The following APBB2 variants were observed in gnomAD, a reference collection of about 807,000 sequenced individuals.
APBB2 encodes amyloid beta precursor protein binding family B member 2, also known as Fe65-like 1.
In APBB2, 38 loss-of-function variants were observed where a neutral mutation model predicts 82.5. That is an observed-to-expected ratio of 0.46 (90% CI 0.36 to 0.60). APBB2 has a LOEUF of 0.60. Ranked by LOEUF, APBB2 falls within the 20% of genes least tolerant of loss-of-function variation. The pLI, the probability that APBB2 is intolerant of heterozygous loss-of-function variation, is 0.00. For synonymous variants in APBB2, 341 were observed against 368.2 expected (o/e 0.93, Z 0.85); for missense variants, 772 against 972.3 (o/e 0.79, Z 2.74).
At chr4:40,961,668 A>T (rs1462574725) in intron 6 of APBB2, among the ~76,000 whole-genome samples, 3 of 1,356 alleles carry the variant, frequency 2.2e-3, no homozygotes, top group Non-Finnish European at 4.9e-3. Flanking sequence ...AAAAAGATGT[A>T]AAAAAAAAAA....
chr4:41,165,775 G>A (rs1357526645), intron 1 of APBB2, among the ~76,000 whole-genome samples: 3 of 151,874 alleles, frequency 2.0e-5, no homozygotes, highest in African/African-American at 7.3e-5. Flanking sequence ...TCACCAGCTT[G>A]ATCGCCCAGT....
At chr4:40,837,198 G>A (rs1381624558) in intron 12 of APBB2, among the ~76,000 whole-genome samples, 1 of 151,922 alleles carries the variant, frequency 6.6e-6, no homozygotes, top group African/African-American at 2.4e-5. Context: ...AGAGTGTGTC[G>A]GGTGCCACAT....
At chr4:41,057,385 A>G (rs1056197860) in intron 4 of APBB2, among the ~76,000 whole-genome samples, 1 of 152,234 alleles carries the variant, frequency 6.6e-6, no homozygotes, top group Admixed American at 6.5e-5. Flanking sequence ...CGGGAGGCAG[A>G]GGTTACAGTG....
intron 6 of APBB2, among the ~76,000 whole-genome samples, chr4:41,009,489 T>C (rs1420132319): frequency 6.6e-6 from 1 of 152,162 alleles, no homozygotes; most frequent in Non-Finnish European, 1.5e-5. Context: ...GGCGATTCAG[T>C]AGTAAAGGAA....
At chr4:41,034,328 G>T (rs1718282325) in intron 4 of APBB2, among the ~76,000 whole-genome samples, 2 of 151,954 alleles carry the variant, frequency 1.3e-5, no homozygotes, top group Admixed American at 6.6e-5. Flanking sequence ...GGGGTTGTTG[G>T]TTTTTTGTTT....
intron 6 of APBB2, among the ~76,000 whole-genome samples, chr4:40,994,721 G>A (rs1330162934): frequency 2.6e-5 from 4 of 151,670 alleles, no homozygotes; most frequent in African/African-American, 7.3e-5. Flanking sequence ...AGCTGAGGGA[G>A]GAGAATCGCT....
intron 2 of APBB2, among the ~76,000 whole-genome samples, chr4:41,133,844 C>G (rs975419444): frequency 6.6e-6 from 1 of 152,156 alleles, no homozygotes. Context: ...CTTCTTCCTT[C>G]CTTCTCTAAG....
At position 40,811,042 on chromosome 4, in the gene APBB2, A is replaced by AATT. The variant is rs1744297659; in HGVS notation, c.*5047_*5049dup. 1.3e-5 allele frequency: 2 copies of AATT among 152,198 alleles called. No individual in the cohort carries two copies. Among genetic ancestry groups the AATT allele is most frequent in the East Asian group, 3.8e-4 (2 of 5,204 alleles). 9.4% of individuals were successfully genotyped at this position (152,198 alleles called of 1,614,324 possible). ...TCATTGTTATGGAATAGTTTAGGAT[A>AATT]ATTTTCTGATCTCTACAGTAGCATG... On this transcript the variant is annotated 3_prime_UTR_variant, in exon 18 of 18. Transcript: ENST00000508593.
intron 1 of APBB2, among the ~76,000 whole-genome samples, chr4:41,143,849 C>T (rs373690648): frequency 1.1e-4 from 16 of 152,158 alleles, no homozygotes; most frequent in East Asian, 7.7e-4. Context: ...TATTATCAAA[C>T]GTATAACATA....
chr4:40,987,698 A>G (rs1800762932), intron 6 of APBB2, among the ~76,000 whole-genome samples: 1 of 152,170 alleles, frequency 6.6e-6, no homozygotes, highest in South Asian at 2.1e-4. Flanking sequence ...AAGGCAGAAG[A>G]GCTTCGGTAA....
intron 1 of APBB2, among the ~76,000 whole-genome samples, chr4:41,161,890 G>A (rs544001092): frequency 4.0e-5 from 6 of 151,660 alleles, no homozygotes; most frequent in Non-Finnish European, 8.8e-5. Context: ...ACATACAAAC[G>A]TAGAAAGAAT....
chr4:40,862,981 C>T (rs955617584), intron 12 of APBB2, among the ~76,000 whole-genome samples: 7 of 151,924 alleles, frequency 4.6e-5, no homozygotes, highest in African/African-American at 1.7e-4. Context: ...GGCAGGTGTT[C>T]AGGGGGCTGT....
In APBB2 at chr4:40,814,619, G is replaced by A. The variant is rs1184865147; in HGVS notation, c.*1473C>T. 1 of 152,222 alleles carries A rather than the reference G, an allele frequency of 6.6e-6. No homozygotes were observed. The highest frequency in any genetic ancestry group is 1.5e-5 in the Non-Finnish European group (1 of 68,050). 9.4% of individuals were successfully genotyped at this position (152,222 alleles called of 1,614,324 possible). ...GTACATAGCAGTGTATAAACATAAA[G>A]CATTACTTTTATAATTGGATGTTGT... On this transcript the variant is annotated 3_prime_UTR_variant, in exon 18 of 18. Transcript: ENST00000508593.
At chr4:40,906,152 A>G (rs902121894) in intron 10 of APBB2, among the ~76,000 whole-genome samples, 1 of 152,172 alleles carries the variant, frequency 6.6e-6, no homozygotes, top group Non-Finnish European at 1.5e-5. Context: ...CTAAGTATTC[A>G]TTGTTAACTT....
At chr4:40,842,964 AAG>A (rs1230764660) in intron 12 of APBB2, among the ~76,000 whole-genome samples, 1 of 152,114 alleles carries the variant, frequency 6.6e-6, no homozygotes, top group African/African-American at 2.4e-5. Context: ...CGTCCCAGGA[AAG>A]AGAGGAATGG....
chr4:40,881,558 G>C (rs1465272029), intron 12 of APBB2: 2 of 96,508 alleles, frequency 2.1e-5, no homozygotes, highest in African/African-American at 6.5e-5. Flanking sequence ...TTTTGATACA[G>C]ACTCTCGCTC....
At chr4:41,008,665 T>G (rs1359183921) in intron 6 of APBB2, among the ~76,000 whole-genome samples, 1 of 152,250 alleles carries the variant, frequency 6.6e-6, no homozygotes, top group Non-Finnish European at 1.5e-5. Flanking sequence ...TTCATTGAGC[T>G]CTTGCTATAT....
chr4:40,845,402 A>AT (rs1162615221), intron 12 of APBB2, among the ~76,000 whole-genome samples: 1 of 152,062 alleles, frequency 6.6e-6, no homozygotes, highest in Non-Finnish European at 1.5e-5. Context: ...AGTGGGAAGA[A>AT]TTAAACCCCA....
In APBB2 at chr4:40,823,561, A is replaced by G. The variant is rs188233061; in HGVS notation, c.1932+83T>C. On this transcript the variant is annotated intron_variant, in intron 16 of 17. Transcript: ENST00000508593. Reference sequence around the variant, plus strand: ...AGGATGCACAACTCCGGCCTTGACTATGTTCCTAAGTTCCACAGAAAACCA... The same window carrying G: ...AGGATGCACAACTCCGGCCTTGACTGTGTTCCTAAGTTCCACAGAAAACCA... The G allele has an allele frequency of 5.9e-5, 57 of 968,618 alleles. No individual in the cohort carries two copies. The East Asian group carries it at 1.3e-3, about 21-fold the overall frequency. The allele number at this position is 968,618 out of a possible 1,614,324, so 60.0% of individuals were successfully genotyped here.
Sources: gnomAD v4.1 joint callset for allele counts (sites outside exome capture counted in the v4.1 genomes callset) on GRCh38, gnomAD v4.1.1 for gene constraint, MANE v1.5 for transcripts, NCBI Gene and HGNC (gene_info 2026-07-23, HGNC 2026-07-21) for gene names.